The following FAN1 variants were observed in gnomAD, a reference collection of about 807,000 sequenced individuals.
FAN1 encodes the protein fanconi-associated nuclease 1.
FAN1 carries 91 observed loss-of-function variants against 104.9 expected under a neutral mutation model. That is an observed-to-expected ratio of 0.87 (90% CI 0.73 to 1.03). The LOEUF (loss-of-function observed/expected upper bound fraction) is 1.03, where lower values mean the gene tolerates loss of function less well. FAN1 is among the 50% of genes least tolerant of loss of function. FAN1 has a pLI of 0.00. For missense variants in FAN1, 1,263 were observed against 1,239.9 expected (o/e 1.02, Z -0.28); for synonymous variants, 478 against 457.6 (o/e 1.04, Z -0.57).
rs766567354 is a variant in FAN1 at position 30,942,010 on chromosome 15, G to A, written c.*448G>A. 1 of 1,613,890 alleles carries A rather than the reference G, an allele frequency of 6.2e-7. No homozygotes were observed. Among genetic ancestry groups the A allele is most frequent in the Non-Finnish European group, 8.5e-7 (1 of 1,179,882 alleles). ...AATTTCTCCTTGGAAGTAATTCTTG[G>A]TCACTGATGATTCCATTCTTTAAGG... On this transcript the variant is annotated 3_prime_UTR_variant, in exon 15 of 15. Transcript: ENST00000362065.
In FAN1 at chr15:30,922,240, C is replaced by T. The variant is rs144723412; in HGVS notation, c.2058C>T (p.Ala686=). The T allele has an allele frequency of 1.1e-3, 1,812 of 1,604,774 alleles. 3 individuals carry two copies. The highest frequency in any genetic ancestry group is 1.4e-3 in the Non-Finnish European group (1,651 of 1,177,986). The change falls in exon 8 of 15, where the codon GCC becomes GCT. Residue 686 remains alanine, a synonymous_variant. Transcript: ENST00000362065. The part of the protein sequence containing the change: ...ILQRLHMYEE[A]VRELESLLSQ... ...CTTTGTTATTGTTGCAATAGGAAGC[C>T]GTCAGAGAACTTGAAAGCCTTTTGT...
rs533713457 is a variant in FAN1, at chr15:30,934,394, GT to G, written c.2917-2722del. 4.6e-5 allele frequency among the ~76,000 whole-genome samples: 7 copies of G among 152,280 alleles called. 1 individual carries two copies. In the South Asian group the frequency reaches 1.2e-3, roughly 27 times the overall value. ...CTTAACCTCTGTCTTTTAATGGGGT[GT>G]TTGGAACATTTACATTTAATTTGAT... On this transcript the variant is annotated intron_variant, in intron 13 of 14. Coordinates refer to ENST00000362065, the MANE Select transcript of FAN1 (RefSeq NM_014967.5).
chr15:30,928,853 CTTTAA>C (rs1408888306), intron 11 of FAN1, 197 bp downstream of exon 11: 5 of 917,608 alleles, frequency 5.4e-6, no homozygotes, highest in East Asian at 1.2e-4. Flanking sequence ...AAGTTTTAAA[CTTTAA>C]TTTAGCCTCC....
Position 30,941,891 on chromosome 15 carries a change from G to A in FAN1, c.*329G>A, listed in dbSNP as rs1189038213. On this transcript the variant is annotated 3_prime_UTR_variant, in exon 15 of 15. Coordinates refer to ENST00000362065, the MANE Select transcript of FAN1 (RefSeq NM_014967.5). ...CAGAATAACACCGTGCAGGTTGGCGGGTTTGGAAAACCATTCTCTAAAATA... is the reference window on the plus strand; with the variant it reads ...CAGAATAACACCGTGCAGGTTGGCGAGTTTGGAAAACCATTCTCTAAAATA... 5 of 1,613,884 alleles carry A rather than the reference G, an allele frequency of 3.1e-6. No individual in the cohort carries two copies. The Admixed American group carries it at 5.0e-5, about 16-fold the overall frequency.
chr15:30,929,837 A>ATCATAT lies in FAN1; in HGVS notation c.2787+440_2787+441insTCATAT, dbSNP rs1297378763. Among the ~76,000 whole-genome samples, 2 of 76,912 alleles carry ATCATAT rather than the reference A, an allele frequency of 2.6e-5. 1 individual carries two copies. Among genetic ancestry groups the ATCATAT allele is most frequent in the African/African-American group, 1.6e-4 (2 of 12,396 alleles). 50.5% of individuals were successfully genotyped at this position (76,912 alleles called of 152,430 possible). A position where few individuals can be genotyped will look rare whatever the true frequency, so the allele number is the denominator to read the frequency against. On this transcript the variant is annotated intron_variant, in intron 12 of 14. Coordinates refer to ENST00000362065, the MANE Select transcript of FAN1 (RefSeq NM_014967.5). ...TAATATATTATATCATATATAATAT[A>ATCATAT]ATATATAAAATATATATCATATATA... is the stretch of plus-strand genomic sequence containing the variant.
At chr15:30,940,198 C>T (rs2062992553) in intron 14 of FAN1, 7 of 985,260 alleles carry the variant, frequency 7.1e-6, no homozygotes, top group Middle Eastern at 1.0e-3. Context: ...GGAGGTGGTG[C>T]CCCGTTTCAC....
chr15:30,937,026 A>AT, intron 13 of FAN1, 93 bp from the exon 14 acceptor site: 1 of 982,358 alleles, frequency 1.0e-6, no homozygotes, highest in Non-Finnish European at 1.6e-6. Flanking sequence ...CAGAAGAGCC[A>AT]TTTAAATAGT....
intron 9 of FAN1, among the ~76,000 whole-genome samples, chr15:30,925,574 A>G (rs2062439568): frequency 6.6e-6 from 1 of 152,112 alleles, no homozygotes; most frequent in Non-Finnish European, 1.5e-5. Flanking sequence ...CTCACTGGGG[A>G]CCTGTAGAGC....
At chr15:30,927,591 C>G in intron 10 of FAN1, 1 of 985,552 alleles carries the variant, frequency 1.0e-6, no homozygotes, top group African/African-American at 1.7e-5. Flanking sequence ...TGGTACCACG[C>G]AGATGGGTTG....
rs746804597 is a variant in FAN1 at position 30,941,970 on chromosome 15, G to T, written c.*408G>T. 6.2e-6 allele frequency: 10 copies of T among 1,613,862 alleles called. No individual in the cohort carries two copies. Among genetic ancestry groups the T allele is most frequent in the Middle Eastern group, 3.3e-4 (2 of 6,084 alleles). ...GTTTGCTGAGCTGGATCTGGCTTTG[G>T]TTTTAATATCAATGAATTTCTCCTT... is the stretch of plus-strand genomic sequence containing the variant. On this transcript the variant is annotated 3_prime_UTR_variant, in exon 15 of 15. Transcript: ENST00000362065.
chr15:30,941,280 C>A, intron 14 of FAN1: 3 of 1,498,248 alleles, frequency 2.0e-6, no homozygotes, highest in African/African-American at 1.4e-5. Context: ...AGGACAGGAA[C>A]AAAATTTACA....
At chr15:30,940,182 T>C in intron 14 of FAN1, 1 of 985,264 alleles carries the variant, frequency 1.0e-6, no homozygotes, top group African/African-American at 1.7e-5. Context: ...GAATGAGGAG[T>C]GTGGGGGAGG....
intron 2 of FAN1, among the ~76,000 whole-genome samples, chr15:30,907,151 G>A (rs974716536): frequency 6.6e-6 from 1 of 151,480 alleles, no homozygotes; most frequent in African/African-American, 2.4e-5. Context: ...TGTAATCATA[G>A]CTCACTGTGA....
chr15:30,939,587 T>G lies in FAN1; in HGVS notation c.*4-1979T>G, dbSNP rs559892648. 2.2e-5 allele frequency: 21 copies of G among 942,816 alleles called. No homozygotes were observed. In the East Asian group the frequency reaches 1.6e-3, roughly 73 times the overall value. The allele number at this position is 942,816 out of a possible 1,614,324, so 58.4% of individuals were successfully genotyped here. Reference sequence around the variant, plus strand: ...TACAAAAATATGCATTTTTCTATTTTTAACCATTATTAATAGTACCTAATA... The same window carrying G: ...TACAAAAATATGCATTTTTCTATTTGTAACCATTATTAATAGTACCTAATA... On this transcript the variant is annotated intron_variant, in intron 14 of 14. Coordinates refer to ENST00000362065, the MANE Select transcript of FAN1 (RefSeq NM_014967.5).
intron 3 of FAN1, 119 bp from the exon 4 acceptor site, chr15:30,910,495 G>C: frequency 1.7e-6 from 1 of 581,788 alleles, no homozygotes; most frequent in Non-Finnish European, 3.0e-6. Context: ...TTTAATGATT[G>C]GTTTGGCCAA....
intron 8 of FAN1, among the ~76,000 whole-genome samples, chr15:30,923,507 C>G (rs1317634127): frequency 6.6e-6 from 1 of 152,238 alleles, no homozygotes; most frequent in Non-Finnish European, 1.5e-5. Flanking sequence ...AGAGGTCTTA[C>G]TGGCCATAGC....
In FAN1 at chr15:30,922,359, T is replaced by C. The variant is rs2062354910; in HGVS notation, c.2172+5T>C. 6.3e-7 allele frequency: 1 copy of C among 1,595,014 alleles called. No individual in the cohort carries two copies. The highest frequency in any genetic ancestry group is 8.5e-7 in the Non-Finnish European group (1 of 1,175,478). Reference sequence around the variant, plus strand: ...CACTTGAAGCGCCTGGAACCGGTACTCAGTAACAAAACATATCTGAAACAC... The same window carrying C: ...CACTTGAAGCGCCTGGAACCGGTACCCAGTAACAAAACATATCTGAAACAC... On this transcript the variant is annotated splice_donor_5th_base_variant and intron_variant, in intron 8 of 14. Transcript: ENST00000362065.
chr15:30,922,113 T>A, intron 7 of FAN1, 122 bp from the exon 8 acceptor site: 1 of 1,296,560 alleles, frequency 7.7e-7, no homozygotes, highest in Non-Finnish European at 1.1e-6. Flanking sequence ...GTCCTTGGCC[T>A]CATTGTAGAA....
At chr15:30,929,545 A>G (rs112158511) in intron 12 of FAN1, 148 bp downstream of exon 12, 1 of 177,558 alleles carries the variant, frequency 5.6e-6, no homozygotes, top group Non-Finnish European at 1.0e-5. Context: ...TATATATCAT[A>G]TATAAAATAT....
Sources: gnomAD v4.1 joint callset for allele counts (sites outside exome capture counted in the v4.1 genomes callset) on GRCh38, gnomAD v4.1.1 for gene constraint, MANE v1.5 for transcripts, NCBI Gene and HGNC (gene_info 2026-07-23, HGNC 2026-07-21) for gene names.